MAGI2: variants seen among roughly 807,000 people sequenced by gnomAD.
MAGI2 encodes the protein membrane-associated guanylate kinase, WW and PDZ domain-containing protein 2.
MAGI2 carries 35 observed loss-of-function variants against 133.3 expected under a neutral mutation model. That is an observed-to-expected ratio of 0.26 (90% CI 0.20 to 0.35). MAGI2 has a LOEUF of 0.35. Ranked by LOEUF, MAGI2 falls within the 10% of genes least tolerant of loss-of-function variation. MAGI2 has a pLI of 1.00. For synonymous variants in MAGI2, 729 were observed against 710.6 expected (o/e 1.03, Z -0.41); for missense variants, 1,636 against 1,863.4 (o/e 0.88, Z 2.25).
intron 21 of MAGI2, among the ~76,000 whole-genome samples, chr7:78,021,021 A>G (rs183849188): frequency 6.6e-6 from 1 of 152,314 alleles, no homozygotes; most frequent in East Asian, 1.9e-4. Flanking sequence ...CAAAACACAT[A>G]TAAAACAATG....
chr7:79,182,729 C>T (rs1384748627), intron 1 of MAGI2, among the ~76,000 whole-genome samples: 1 of 151,910 alleles, frequency 6.6e-6, no homozygotes, highest in Non-Finnish European at 1.5e-5. Flanking sequence ...GATACCCAAA[C>T]TCCCATGTTT....
At chr7:79,082,648 A>T (rs754356632) in intron 1 of MAGI2, among the ~76,000 whole-genome samples, 1 of 152,012 alleles carries the variant, frequency 6.6e-6, no homozygotes, top group Admixed American at 6.6e-5. Flanking sequence ...AAGCTCTGCT[A>T]CTTTATTTTT....
chr7:79,290,495 C>T (rs189064205), intron 1 of MAGI2, among the ~76,000 whole-genome samples: 5 of 152,136 alleles, frequency 3.3e-5, no homozygotes, highest in African/African-American at 9.6e-5. Flanking sequence ...TTATGACAGA[C>T]GCATCCATCT....
chr7:78,815,314 C>A (rs1341338779), intron 2 of MAGI2, among the ~76,000 whole-genome samples: 2 of 152,128 alleles, frequency 1.3e-5, no homozygotes, highest in Non-Finnish European at 2.9e-5. Context: ...ATTTTCTGCT[C>A]ATCCTAGGGA....
intron 9 of MAGI2, among the ~76,000 whole-genome samples, chr7:78,317,578 G>A (rs1482964044): frequency 2.0e-5 from 3 of 152,234 alleles, no homozygotes; most frequent in Non-Finnish European, 4.4e-5. Context: ...CGACTTAAAC[G>A]TCTCTGTATG....
At chr7:78,928,466 A>C (rs896476746) in intron 2 of MAGI2, among the ~76,000 whole-genome samples, 8 of 152,000 alleles carry the variant, frequency 5.3e-5, no homozygotes, top group African/African-American at 1.4e-4. Flanking sequence ...CATTCCTTTT[A>C]AATAGAACAT....
At chr7:78,991,304 A>G (rs1805751069) in intron 2 of MAGI2, among the ~76,000 whole-genome samples, 1 of 148,626 alleles carries the variant, frequency 6.7e-6, no homozygotes, top group Non-Finnish European at 1.5e-5. Context: ...GAATGGACTA[A>G]TAGACACACA....
At chr7:78,039,370 T>A (rs2428935) in intron 21 of MAGI2, among the ~76,000 whole-genome samples, 61,263 of 152,108 alleles carry the variant, frequency 0.4, 12,663 homozygotes, top group African/African-American at 0.43. Context: ...AATACCAGAT[T>A]CCTGCCTTCA....
intron 2 of MAGI2, among the ~76,000 whole-genome samples, chr7:78,643,290 T>C (rs1343354086): frequency 1.3e-5 from 2 of 152,164 alleles, no homozygotes; most frequent in African/African-American, 4.8e-5. Flanking sequence ...ATCTTTGGAA[T>C]GAAATGTCCA....
intron 1 of MAGI2, among the ~76,000 whole-genome samples, chr7:79,297,565 A>G (rs774955838): frequency 8.5e-5 from 13 of 152,138 alleles, no homozygotes; most frequent in Non-Finnish European, 1.5e-4. Context: ...TCTACCCAGT[A>G]CTCTTCTAGT....
At chr7:78,560,999 G>A (rs1214696642) in intron 3 of MAGI2, among the ~76,000 whole-genome samples, 1 of 152,164 alleles carries the variant, frequency 6.6e-6, no homozygotes, top group Admixed American at 6.5e-5. Flanking sequence ...TGTAGTTGGT[G>A]ATCTTGGGTA....
intron 4 of MAGI2, among the ~76,000 whole-genome samples, chr7:78,515,725 C>A (rs1195027359): frequency 6.6e-6 from 1 of 152,046 alleles, no homozygotes. Context: ...AATGGAGAAA[C>A]CCCATCTCTA....
chr7:79,408,536 G>A (rs1208218095), intron 1 of MAGI2, among the ~76,000 whole-genome samples: 1 of 151,964 alleles, frequency 6.6e-6, no homozygotes, highest in Non-Finnish European at 1.5e-5. Context: ...CCATAAGTGA[G>A]GGATTAAATA....
At chr7:78,762,375 G>A (rs956481340) in intron 2 of MAGI2, among the ~76,000 whole-genome samples, 24 of 152,076 alleles carry the variant, frequency 1.6e-4, no homozygotes, top group Middle Eastern at 3.4e-3. Flanking sequence ...CCTGGGAGGC[G>A]GAGGTTGCAG....
chr7:78,687,723 C>T (rs546795440), intron 2 of MAGI2, among the ~76,000 whole-genome samples: 1 of 152,008 alleles, frequency 6.6e-6, no homozygotes, highest in Non-Finnish European at 1.5e-5. Flanking sequence ...AATCCCAGCA[C>T]TTTGGGAGGC....
At chr7:79,295,748 G>A (rs1836879552) in intron 1 of MAGI2, among the ~76,000 whole-genome samples, 1 of 151,948 alleles carries the variant, frequency 6.6e-6, no homozygotes, top group Non-Finnish European at 1.5e-5. Context: ...TATCCGCAGT[G>A]ACTAGCATTG....
At chr7:78,375,564 T>C (rs1585048246) in intron 6 of MAGI2, among the ~76,000 whole-genome samples, 1 of 152,080 alleles carries the variant, frequency 6.6e-6, no homozygotes, top group Admixed American at 6.6e-5. Flanking sequence ...TATTATTTTA[T>C]GTTGACTAGC....
chr7:78,104,421 G>A (rs78368188), intron 20 of MAGI2, among the ~76,000 whole-genome samples: 2 of 151,744 alleles, frequency 1.3e-5, no homozygotes, highest in African/African-American at 2.4e-5. Context: ...ATGGGGTTTC[G>A]CTGTGTTAGC....
intron 6 of MAGI2, among the ~76,000 whole-genome samples, chr7:78,487,597 C>T (rs1793171331): frequency 6.6e-6 from 1 of 152,030 alleles, no homozygotes; most frequent in South Asian, 2.1e-4. Context: ...TGCCAACCTG[C>T]ACTAGGATGT....
Sources: allele counts gnomAD v4.1 joint callset (sites outside exome capture counted in the v4.1 genomes callset), GRCh38; gene constraint gnomAD v4.1.1; transcripts MANE v1.5; gene names NCBI Gene and HGNC (gene_info 2026-07-23, HGNC 2026-07-21).